Variants in ST3GAL3 observed in about 807,000 individuals in gnomAD.
ST3GAL3 encodes CMP-N-acetylneuraminate-beta-1,4-galactoside alpha-2,3-sialyltransferase.
A neutral mutation model predicts 50.1 loss-of-function variants in ST3GAL3; 21 were observed. That is an observed-to-expected ratio of 0.42 (90% CI 0.30 to 0.60). The LOEUF is 0.60. Ranked by LOEUF, ST3GAL3 falls within the 20% of genes least tolerant of loss-of-function variation. ST3GAL3 has a pLI of 0.19. For missense variants in ST3GAL3, 353 were observed against 489.4 expected (o/e 0.72, Z 2.63); for synonymous variants, 183 against 190.0 (o/e 0.96, Z 0.30).
At chr1:43,801,966 C>T (rs1222517255) in intron 3 of ST3GAL3, among the ~76,000 whole-genome samples, 1 of 149,794 alleles carries the variant, frequency 6.7e-6, no homozygotes, top group African/African-American at 2.5e-5. Flanking sequence ...CACCACTGCA[C>T]TCCAGCCTGG....
chr1:43,822,990 A>G (rs777148315), intron 4 of ST3GAL3, among the ~76,000 whole-genome samples: 10 of 152,204 alleles, frequency 6.6e-5, no homozygotes, highest in Non-Finnish European at 1.5e-4. Context: ...ATACTGTAGC[A>G]TCATTTCTTT....
At chr1:43,752,403 G>A (rs539746448) in intron 2 of ST3GAL3, among the ~76,000 whole-genome samples, 3 of 152,276 alleles carry the variant, frequency 2.0e-5, no homozygotes, top group Admixed American at 1.3e-4. Flanking sequence ...TGTGCTCTCA[G>A]TAACAATACT....
At chr1:43,897,766 G>C (rs922082742) in intron 6 of ST3GAL3, among the ~76,000 whole-genome samples, 4 of 152,222 alleles carry the variant, frequency 2.6e-5, no homozygotes, top group Non-Finnish European at 5.9e-5. Context: ...GGCACGTGGT[G>C]AGCTCTTCAG....
chr1:43,894,259 G>C (rs1417903538), intron 5 of ST3GAL3, 124 bp from the exon 6 acceptor site: 2 of 913,310 alleles, frequency 2.2e-6, no homozygotes, highest in Non-Finnish European at 3.6e-6. Context: ...TGGGTGGAGG[G>C]GGGTATGCCG....
At chr1:43,865,005 G>A (rs1042395875) in intron 5 of ST3GAL3, among the ~76,000 whole-genome samples, 2 of 146,954 alleles carry the variant, frequency 1.4e-5, no homozygotes, top group African/African-American at 4.9e-5. Context: ...TGTAAACAGA[G>A]TATCTATGTA....
chr1:43,863,779 C>T (rs2070636931), intron 5 of ST3GAL3, among the ~76,000 whole-genome samples: 1 of 152,168 alleles, frequency 6.6e-6, no homozygotes, highest in African/African-American at 2.4e-5. Context: ...CCTCCTCTTC[C>T]ATCTCTGTGG....
At chr1:43,866,037 G>A (rs2071249478) in intron 5 of ST3GAL3, among the ~76,000 whole-genome samples, 2 of 152,102 alleles carry the variant, frequency 1.3e-5, no homozygotes, top group African/African-American at 4.8e-5. Context: ...GCCTTTTCCA[G>A]GGCTCCTGAC....
intron 2 of ST3GAL3, among the ~76,000 whole-genome samples, chr1:43,756,822 T>C (rs1166688586): frequency 2.0e-5 from 3 of 152,184 alleles, no homozygotes; most frequent in African/African-American, 7.2e-5. Flanking sequence ...AAAAGATTAC[T>C]GTGGGAAATT....
chr1:43,904,683 T>C (rs529745421), intron 9 of ST3GAL3, among the ~76,000 whole-genome samples: 122 of 150,948 alleles, frequency 8.1e-4, no homozygotes, highest in African/African-American at 2.8e-3. Context: ...CCTGCTCCCC[T>C]TCCCGTCACT....
intron 4 of ST3GAL3, among the ~76,000 whole-genome samples, chr1:43,815,227 C>T (rs2061086813): frequency 6.6e-6 from 1 of 152,168 alleles, no homozygotes. Flanking sequence ...AAAGGCTTCT[C>T]CTGCAGGGTA....
chr1:43,845,558 A>AT (rs2066112979), intron 5 of ST3GAL3, among the ~76,000 whole-genome samples: 1 of 151,762 alleles, frequency 6.6e-6, no homozygotes, highest in African/African-American at 2.4e-5. Flanking sequence ...GAGGTTTATC[A>AT]TTTTTTGTTG....
intron 1 of ST3GAL3, among the ~76,000 whole-genome samples, chr1:43,714,036 G>T (rs1666074158): frequency 6.6e-6 from 1 of 152,110 alleles, no homozygotes; most frequent in African/African-American, 2.4e-5. Context: ...GGCCGAGGTG[G>T]GTGGATTATC....
intron 1 of ST3GAL3, among the ~76,000 whole-genome samples, chr1:43,728,464 G>A (rs1158812784): frequency 6.6e-6 from 1 of 152,194 alleles, no homozygotes; most frequent in African/African-American, 2.4e-5. Flanking sequence ...ATGTTGGGGG[G>A]GTGGGCACAG....
At chr1:43,787,977 A>C (rs968743548) in intron 2 of ST3GAL3, among the ~76,000 whole-genome samples, 3 of 152,210 alleles carry the variant, frequency 2.0e-5, no homozygotes, top group African/African-American at 7.2e-5. Flanking sequence ...TGAATAATGA[A>C]GGCATTCAAG....
rs1390004499 is a variant in ST3GAL3, at chr1:43,817,444, CCTT to C, written c.209+2518_209+2520del. 1.5e-3 allele frequency among the ~76,000 whole-genome samples: 200 copies of C among 136,926 alleles called. 1 individual carries two copies. Among genetic ancestry groups the C allele is most frequent in the African/African-American group, 3.8e-3 (142 of 37,162 alleles). The allele number at this position is 136,926 out of a possible 152,430, so 89.8% of individuals were successfully genotyped here. ...TCTCCTTCTTCTCCTTCTTCCTTCT[CCTT>C]CTTCTTTCTTCTTTCTTCTTCTCCT... is the stretch of plus-strand genomic sequence containing the variant. On this transcript the variant is annotated intron_variant, in intron 4 of 11. Coordinates refer to ENST00000347631, the MANE Select transcript of ST3GAL3 (RefSeq NM_006279.5).
At chr1:43,750,724 T>C (rs1004312456) in intron 2 of ST3GAL3, among the ~76,000 whole-genome samples, 1 of 150,978 alleles carries the variant, frequency 6.6e-6, no homozygotes, top group Non-Finnish European at 1.5e-5. Context: ...ACCCTGTCTC[T>C]ACAACAAGTA....
At chr1:43,894,835 A>T (rs939033404) in intron 6 of ST3GAL3, among the ~76,000 whole-genome samples, 1 of 151,856 alleles carries the variant, frequency 6.6e-6, no homozygotes, top group African/African-American at 2.4e-5. Context: ...GGGTTTTACC[A>T]TGTTGCCCAG....
chr1:43,804,708 G>C (rs2059678603), intron 3 of ST3GAL3, among the ~76,000 whole-genome samples: 1 of 152,208 alleles, frequency 6.6e-6, no homozygotes, highest in Non-Finnish European at 1.5e-5. Context: ...CCTAAGAAGA[G>C]CCAGAGGAGG....
intron 2 of ST3GAL3, among the ~76,000 whole-genome samples, chr1:43,739,944 TATG>T (rs575525280): frequency 6.6e-6 from 1 of 152,200 alleles, no homozygotes; most frequent in Non-Finnish European, 1.5e-5. Flanking sequence ...ATACATGTAG[TATG>T]ATAAAATATG....
Sources: allele counts gnomAD v4.1 joint callset (sites outside exome capture counted in the v4.1 genomes callset), GRCh38; gene constraint gnomAD v4.1.1; transcripts MANE v1.5; gene names NCBI Gene and HGNC (gene_info 2026-07-23, HGNC 2026-07-21).